THOC5: variants seen among roughly 807,000 people sequenced by gnomAD.
THOC5 encodes Fms-interacting protein.
THOC5 carries 43 observed loss-of-function variants against 92.9 expected under a neutral mutation model. The observed-to-expected ratio is 0.46, with a 90% confidence interval of 0.36 to 0.60. THOC5 has a LOEUF of 0.60. Among genes scored for constraint, THOC5 ranks in the 20% least tolerant of loss-of-function variants. The pLI is 0.00. For synonymous variants in THOC5, 296 were observed against 320.1 expected (o/e 0.92, Z 0.80); for missense variants, 659 against 849.4 (o/e 0.78, Z 2.79).
At chr22:29,511,520 C>G in intron 18 of THOC5, 2 of 538,482 alleles carry the variant, frequency 3.7e-6, no homozygotes, top group Admixed American at 3.2e-5. Flanking sequence ...GCCTCATATG[C>G]CCACAGCCAG....
At chr22:29,538,139 T>C (rs1242280956) in intron 6 of THOC5, among the ~76,000 whole-genome samples, 1 of 151,884 alleles carries the variant, frequency 6.6e-6, no homozygotes, top group East Asian at 2.0e-4. Flanking sequence ...CCCGCCACCA[T>C]GCCCGGCTAA....
intron 2 of THOC5, among the ~76,000 whole-genome samples, chr22:29,548,019 A>C (rs2064061085): frequency 6.6e-6 from 1 of 152,174 alleles, no homozygotes; most frequent in Non-Finnish European, 1.5e-5. Flanking sequence ...AGGAGGAAGC[A>C]AAAGCAGAAA....
At chr22:29,520,256 A>C (rs1196651769) in intron 13 of THOC5, 152 bp from the exon 14 acceptor site, 8 of 589,022 alleles carry the variant, frequency 1.4e-5, no homozygotes, top group Non-Finnish European at 2.1e-5. Flanking sequence ...AAGCCCTTCA[A>C]CTTTGTCAGT....
At chr22:29,531,425 A>G in intron 8 of THOC5, 5 of 1,005,576 alleles carry the variant, frequency 5.0e-6, no homozygotes, top group Non-Finnish European at 5.9e-6. Context: ...AGCCTGATTC[A>G]AGGCATGGTG....
intron 17 of THOC5, among the ~76,000 whole-genome samples, chr22:29,515,054 T>G (rs913319810): frequency 2.6e-5 from 4 of 151,314 alleles, no homozygotes. Flanking sequence ...TGTTGTTGTT[T>G]TTTTTGAAAG....
Position 29,516,856 on chromosome 22 carries a change from G to A in THOC5, c.1681+173C>T, listed in dbSNP as rs914971613. On this transcript the variant is annotated intron_variant, in intron 17 of 19. Transcript: ENST00000490103. ...CAGTGAGGGTTCAGTGATACACAGCGTGTGTGTGACTGTGTTGCAGAATGA... is the reference window on the plus strand; with the variant it reads ...CAGTGAGGGTTCAGTGATACACAGCATGTGTGTGACTGTGTTGCAGAATGA... 3.3e-5 allele frequency among the ~76,000 whole-genome samples: 5 copies of A among 152,198 alleles called. No individual in the cohort carries two copies. In the South Asian group the frequency reaches 8.3e-4, roughly 25 times the overall value.
At chr22:29,523,381 G>A (rs1301676548) in intron 12 of THOC5, among the ~76,000 whole-genome samples, 2 of 152,122 alleles carry the variant, frequency 1.3e-5, no homozygotes, top group African/African-American at 2.4e-5. Context: ...AAGAGAGCCT[G>A]TGCCTCTTGA....
chr22:29,528,147 A>G lies in THOC5; in HGVS notation c.997T>C (p.Leu333=), dbSNP rs911614423. The G allele has an allele frequency of 3.1e-6, 5 of 1,614,050 alleles. No homozygotes were observed. The highest frequency in any genetic ancestry group is 2.2e-5 in the East Asian group (1 of 44,892). The change falls in exon 11 of 20, where the codon TTG becomes CTG. Residue 333 remains leucine, a synonymous_variant. Transcript: ENST00000490103. ...KRRRPTLGVQ[L]DDKRKEMLKR... ...AGCATCTCCTTGCGTTTGTCGTCCA[A>G]CTGAACCCCCAGTGTGGGTCTCCGG...
At position 29,553,717 on chromosome 22, in the gene THOC5, G is replaced by A. The variant is rs1013760935; in HGVS notation, c.-58C>T. The A allele has an allele frequency of 5.9e-5, 9 of 152,556 alleles. No individual in the cohort carries two copies. Among genetic ancestry groups the A allele is most frequent in the African/African-American group, 1.4e-4 (6 of 41,576 alleles). The allele number at this position is 152,556 out of a possible 1,614,324, so 9.5% of individuals were successfully genotyped here. A position where few individuals can be genotyped will look rare whatever the true frequency, so the allele number is the denominator to read the frequency against. On this transcript the variant is annotated 5_prime_UTR_variant, in exon 1 of 20. Transcript: ENST00000490103. ...CACCGGGAGTAAGCCACTGCCGGAGGCGGAGCAAAGCTTGCCCGCGCACCA... is the reference window on the plus strand; with the variant it reads ...CACCGGGAGTAAGCCACTGCCGGAGACGGAGCAAAGCTTGCCCGCGCACCA...
At chr22:29,533,831 TAA>T (rs2063701913) in intron 7 of THOC5, among the ~76,000 whole-genome samples, 1 of 152,206 alleles carries the variant, frequency 6.6e-6, no homozygotes, top group African/African-American at 2.4e-5. Flanking sequence ...ACTGACAGTA[TAA>T]AGTGTTGACA....
intron 1 of THOC5, 63 bp from the exon 2 acceptor site, chr22:29,549,221 G>C (rs989804398): frequency 1.4e-6 from 2 of 1,448,240 alleles, no homozygotes; most frequent in African/African-American, 2.8e-5. Context: ...CAAACTAGCA[G>C]TTCTGGCCAC....
At chr22:29,545,124 C>T (rs778128229) in intron 2 of THOC5, 9 of 418,254 alleles carry the variant, frequency 2.2e-5, no homozygotes, top group South Asian at 6.7e-5. Flanking sequence ...TCTTATGTGG[C>T]GGCGGCAAGA....
chr22:29,538,428 A>G (rs2063804853), intron 6 of THOC5, among the ~76,000 whole-genome samples: 1 of 152,228 alleles, frequency 6.6e-6, no homozygotes, highest in Non-Finnish European at 1.5e-5. Flanking sequence ...TGCCATAGGC[A>G]TACACTTACA....
rs1055644532 is a variant in THOC5 at position 29,552,566 on chromosome 22, G to C, written c.-12+1105C>G. ...CCCGCCCGGCCAGCCGCCCCGTCCG[G>C]GGGGGAGGTGGGGGCCAGCCCCAGC... On this transcript the variant is annotated intron_variant, in intron 1 of 19. Coordinates refer to ENST00000490103, the MANE Select transcript of THOC5 (RefSeq NM_003678.5). 1.0e-3 allele frequency among the ~76,000 whole-genome samples: 158 copies of C among 150,546 alleles called. 1 individual carries two copies. The highest frequency in any genetic ancestry group is 3.5e-3 in the Middle Eastern group (1 of 286).
At chr22:29,538,423 T>C (rs1198580740) in intron 6 of THOC5, among the ~76,000 whole-genome samples, 1 of 152,220 alleles carries the variant, frequency 6.6e-6, no homozygotes, top group Non-Finnish European at 1.5e-5. Context: ...CTTTCTGCCA[T>C]AGGCATACAC....
intron 12 of THOC5, among the ~76,000 whole-genome samples, chr22:29,524,091 C>G (rs975071725): frequency 5.3e-5 from 8 of 152,204 alleles, no homozygotes; most frequent in African/African-American, 1.9e-4. Flanking sequence ...GCCTAAAAGA[C>G]CTAATCCCAG....
intron 1 of THOC5, among the ~76,000 whole-genome samples, chr22:29,551,708 G>A (rs934678040): frequency 3.9e-5 from 6 of 151,936 alleles, no homozygotes; most frequent in Non-Finnish European, 7.4e-5. Context: ...CTATGATCGC[G>A]CCACTGCACT....
intron 1 of THOC5, 117 bp downstream of exon 1, chr22:29,553,551 GGGA>G (rs1184217606): frequency 6.6e-6 from 1 of 152,638 alleles, no homozygotes; most frequent in Non-Finnish European, 1.5e-5. Flanking sequence ...CGGGTAGTGA[GGGA>G]GGAGAAGCCG....
At chr22:29,526,038 GTGT>G in intron 11 of THOC5, 92 bp from the exon 12 acceptor site, 1 of 813,872 alleles carries the variant, frequency 1.2e-6, no homozygotes, top group Non-Finnish European at 2.0e-6. Flanking sequence ...GGGGGGTCAA[GTGT>G]TGAAAAACTA....
Sources: allele counts gnomAD v4.1 joint callset (sites outside exome capture counted in the v4.1 genomes callset), GRCh38; gene constraint gnomAD v4.1.1; transcripts MANE v1.5; gene names NCBI Gene and HGNC (gene_info 2026-07-23, HGNC 2026-07-21).